PDGFB: variants seen among roughly 807,000 people sequenced by gnomAD.
PDGFB encodes the protein platelet derived growth factor subunit B, also known as platelet-derived growth factor subunit B.
A neutral mutation model predicts 29.0 loss-of-function variants in PDGFB; 6 were observed. The observed-to-expected ratio is 0.21, with a 90% CI of 0.11 to 0.41. The LOEUF is 0.41. Among genes scored for constraint, PDGFB ranks in the 10% least tolerant of loss-of-function variants. The pLI is 1.00. For missense variants in PDGFB, 299 were observed against 341.8 expected (o/e 0.87, Z 0.99); for synonymous variants, 144 against 140.8 (o/e 1.02, Z -0.16).
chr22:39,240,760 A>G, intron 1 of PDGFB: 1 of 1,413,244 alleles, frequency 7.1e-7, no homozygotes, highest in Non-Finnish European at 1.0e-6. Flanking sequence ...AAAGCAGGTA[A>G]TAAACAATGA....
At position 39,223,687 on chromosome 22, in the gene PDGFB, G is replaced by C. The variant is rs1232420114; in HGVS notation, c.*1655C>G. ...AGACAGACCTCCGGCGGATTCATTT[G>C]GTTTTGTTTTGTGGTTATTTTTTTT... On this transcript the variant is annotated 3_prime_UTR_variant, in exon 7 of 7. Transcript: ENST00000331163. The C allele has an allele frequency of 6.5e-6, 1 of 152,712 alleles. No homozygotes were observed. Among genetic ancestry groups the C allele is most frequent in the Non-Finnish European group, 1.5e-5 (1 of 68,028 alleles). 9.5% of individuals were successfully genotyped at this position (152,712 alleles called of 1,614,324 possible). A position where few individuals can be genotyped will look rare whatever the true frequency, so the allele number is the denominator to read the frequency against.
At chr22:39,240,419 T>C (rs1406110370) in intron 1 of PDGFB, among the ~76,000 whole-genome samples, 1 of 152,224 alleles carries the variant, frequency 6.6e-6, no homozygotes, top group East Asian at 1.9e-4. Context: ...TCTGATTTTC[T>C]TTCTGTTTCT....
At chr22:39,228,893 A>AAAAAAAAAAAATATATATATAT (rs1184799325) in intron 5 of PDGFB, among the ~76,000 whole-genome samples, 33 of 132,508 alleles carry the variant, frequency 2.5e-4, no homozygotes, top group East Asian at 6.1e-4. Context: ...CCTCAAAAAA[A>AAAAAAAAAAAATATATATATAT]ATATATATAT....
chr22:39,237,874 T>C (rs1316782211), intron 1 of PDGFB, among the ~76,000 whole-genome samples: 3 of 152,206 alleles, frequency 2.0e-5, no homozygotes, highest in Admixed American at 1.3e-4. Flanking sequence ...CAGGAGGCGT[T>C]AGAAGGGGCA....
chr22:39,244,800 GCT>G lies in PDGFB; in HGVS notation c.-839_-838del. On this transcript the variant is annotated 5_prime_UTR_variant, in exon 1 of 7. Coordinates refer to ENST00000331163, the MANE Select transcript of PDGFB (RefSeq NM_002608.4). This position sits in a 1 kb window ranked among gnomAD's most constrained non-coding sequence, Gnocchi z 4.5. ...TCTTTGCAGCGAGGCTGGAGGGTGG[GCT>G]TTTTTTTTTTTTTTTCCTTTTTGCG... The G allele has an allele frequency of 5.2e-6, 1 of 191,002 alleles. No homozygotes were observed. Among genetic ancestry groups the G allele is most frequent in the Middle Eastern group, 1.8e-3 (1 of 560 alleles). 11.8% of individuals were successfully genotyped at this position (191,002 alleles called of 1,614,324 possible).
At chr22:39,235,193 G>A (rs1932411978) in intron 2 of PDGFB, among the ~76,000 whole-genome samples, 1 of 152,184 alleles carries the variant, frequency 6.6e-6, no homozygotes, top group Non-Finnish European at 1.5e-5. Flanking sequence ...GGTGCAGGGG[G>A]GCTGCTGACC....
In PDGFB at chr22:39,243,642, A is replaced by C. The variant is rs1239008152; in HGVS notation, c.63+259T>G. ...CCCAAAGGGTGGGGGACAGGGCCAC[A>C]CACACCCTCCCCCGACACGGAACGG... On this transcript the variant is annotated intron_variant, in intron 1 of 6. Coordinates refer to ENST00000331163, the MANE Select transcript of PDGFB (RefSeq NM_002608.4). The surrounding 1 kb of genome is among the most constrained non-coding windows in gnomAD (Gnocchi z 6.4). Among the ~76,000 whole-genome samples the C allele has an allele frequency of 6.6e-6, 1 of 151,806 alleles. No homozygotes were observed. The highest frequency in any genetic ancestry group is 2.4e-5 in the African/African-American group (1 of 41,322).
At chr22:39,230,731 G>C (rs754042001) in intron 4 of PDGFB, among the ~76,000 whole-genome samples, 1 of 152,260 alleles carries the variant, frequency 6.6e-6, no homozygotes, top group Non-Finnish European at 1.5e-5. Flanking sequence ...AGTCTCAGGC[G>C]TGGGGCCCAA....
intron 1 of PDGFB, chr22:39,241,093 G>A (rs1353295091): frequency 6.6e-6 from 4 of 608,136 alleles, no homozygotes; most frequent in South Asian, 1.9e-5. Flanking sequence ...GGATGGCAAA[G>A]GGCAGTGGGG....
intron 1 of PDGFB, among the ~76,000 whole-genome samples, chr22:39,238,363 T>C (rs1932493602): frequency 6.6e-6 from 1 of 152,100 alleles, no homozygotes; most frequent in Non-Finnish European, 1.5e-5. Context: ...GAGTCCCTTT[T>C]AATCTGAGCA....
intron 3 of PDGFB, among the ~76,000 whole-genome samples, chr22:39,232,605 T>G (rs1207931567): frequency 6.6e-6 from 1 of 152,186 alleles, no homozygotes; most frequent in Non-Finnish European, 1.5e-5. Context: ...TTCTCCTGCC[T>G]CAGCCTCCCA....
At chr22:39,233,641 C>T in intron 2 of PDGFB, 117 bp from the exon 3 acceptor site, 3 of 614,376 alleles carry the variant, frequency 4.9e-6, no homozygotes, top group Non-Finnish European at 8.3e-6. Context: ...AGAACAGTCC[C>T]TCCTTCCAGC....
At chr22:39,228,365 G>C (rs556329364) in intron 5 of PDGFB, among the ~76,000 whole-genome samples, 139 of 152,182 alleles carry the variant, frequency 9.1e-4, no homozygotes, top group African/African-American at 3.3e-3. Context: ...GAGGTGGGAG[G>C]ATCACTTGAA....
rs556017564 is a variant in PDGFB, at chr22:39,229,712, A to G, written c.601+372T>C. 1.3e-4 allele frequency among the ~76,000 whole-genome samples: 20 copies of G among 152,282 alleles called. No homozygotes were observed. In the South Asian group the frequency reaches 3.9e-3, roughly 30 times the overall value. ...GACTTCTAGGAGGAGGTGACTTCTG[A>G]GCTGAGACTCTAATGAAGAGAAGGA... On this transcript the variant is annotated intron_variant, in intron 5 of 6. Transcript: ENST00000331163.
intron 1 of PDGFB, chr22:39,241,151 G>T (rs938411629): frequency 1.1e-5 from 6 of 539,936 alleles, no homozygotes; most frequent in South Asian, 2.3e-5. Context: ...GACGCGTCAC[G>T]TGACAGTGGG....
In PDGFB at chr22:39,225,840, C is replaced by T. The variant is rs780202003; in HGVS notation, c.609G>A (p.Thr203=). 24 of 1,610,972 alleles carry T rather than the reference C, an allele frequency of 1.5e-5. No individual in the cohort carries two copies. Among genetic ancestry groups the T allele is most frequent in the Admixed American group, 5.0e-5 (3 of 59,720 alleles). The change falls in exon 6 of 7, where the codon ACG becomes ACA. Residue 203 remains threonine, a synonymous_variant. Transcript: ENST00000331163. ...PGGSQEQRAK[T]PQTRVTIRTV... is the part of the protein sequence containing the mutation. ...TCCGAATGGTCACCCGAGTTTGGGG[C>T]GTTTTGGCTGCACAAGAAAAAGAAA...
rs577623487 is a variant in PDGFB at position 39,243,596 on chromosome 22, G to A, written c.63+305C>T. Among the ~76,000 whole-genome samples the A allele has an allele frequency of 2.6e-5, 4 of 152,304 alleles. No homozygotes were observed. Among genetic ancestry groups the A allele is most frequent in the South Asian group, 2.1e-4 (1 of 4,826 alleles). On this transcript the variant is annotated intron_variant, in intron 1 of 6. Transcript: ENST00000331163. This position sits in a 1 kb window ranked among gnomAD's most constrained non-coding sequence, Gnocchi z 6.4. The stretch of plus-strand genomic sequence containing the variant: ...ACCCCACCCCCTCTCCCCCGGCCGG[G>A]AAGGGGCTTGTTCTCGGGTTCCCAA...
chr22:39,223,556 A>T lies in PDGFB; in HGVS notation c.*1786T>A, dbSNP rs985380208. 8 of 152,644 alleles carry T rather than the reference A, an allele frequency of 5.2e-5. No individual in the cohort carries two copies. Among genetic ancestry groups the T allele is most frequent in the Admixed American group, 5.2e-4 (8 of 15,278 alleles). 9.5% of individuals were successfully genotyped at this position (152,644 alleles called of 1,614,324 possible). On this transcript the variant is annotated 3_prime_UTR_variant, in exon 7 of 7. Coordinates refer to ENST00000331163, the MANE Select transcript of PDGFB (RefSeq NM_002608.4). ...GTGTGTGTGTGTGTATGTGCACGCC[A>T]GTGTGTGAGATCACGCCTGAGGCTC...
At chr22:39,230,341 A>G in intron 4 of PDGFB, 113 bp from the exon 5 acceptor site, 1 of 1,091,250 alleles carries the variant, frequency 9.2e-7, no homozygotes, top group Non-Finnish European at 1.4e-6. Flanking sequence ...TCTTTCCTCG[A>G]AAGCCCGGAG....
Sources: allele counts gnomAD v4.1 joint callset (sites outside exome capture counted in the v4.1 genomes callset), GRCh38; gene constraint gnomAD v4.1.1; non-coding constraint Gnocchi (gnomAD v3.1); transcripts MANE v1.5; gene names NCBI Gene and HGNC (gene_info 2026-07-23, HGNC 2026-07-21).